EML5: variants seen among roughly 807,000 people sequenced by gnomAD.
The protein encoded by EML5 is echinoderm microtubule-associated protein-like 5.
EML5 carries 120 observed loss-of-function variants against 250.0 expected under a neutral mutation model. The ratio of observed to expected loss-of-function variants is 0.48; its 90% CI spans 0.41 to 0.56. EML5 has a LOEUF of 0.56. Ranked by LOEUF, EML5 falls within the 20% of genes least tolerant of loss-of-function variation. The pLI, the probability that EML5 is intolerant of heterozygous loss-of-function variation, is 0.00. For synonymous variants in EML5, 771 were observed against 806.5 expected, an observed-to-expected ratio of 0.96 and a Z score of 0.75; for missense variants, 2,006 against 2,437.6, an observed-to-expected ratio of 0.82 and a Z score of 3.73.
intron 7 of EML5, among the ~76,000 whole-genome samples, chr14:88,736,073 G>A (rs8023218): frequency 0.019 from 2,779 of 148,500 alleles, 97 homozygotes; most frequent in African/African-American, 0.065. Context: ...TGATCTTGGC[G>A]CACTGCAACC....
intron 1 of EML5, among the ~76,000 whole-genome samples, chr14:88,763,526 C>CA (rs1008640063): frequency 3.3e-5 from 5 of 151,336 alleles, no homozygotes; most frequent in African/African-American, 1.2e-4. Flanking sequence ...GCCTACCAAC[C>CA]AAAAAAAAGC....
intron 1 of EML5, among the ~76,000 whole-genome samples, chr14:88,777,960 G>A (rs1028113079): frequency 1.3e-5 from 2 of 152,264 alleles, no homozygotes; most frequent in South Asian, 2.1e-4. Flanking sequence ...GGGCAAAAGA[G>A]TGACATCCTG....
At chr14:88,755,822 G>T (rs2094151252) in intron 1 of EML5, among the ~76,000 whole-genome samples, 2 of 151,782 alleles carry the variant, frequency 1.3e-5, no homozygotes, top group South Asian at 4.2e-4. Flanking sequence ...GCAAACCATT[G>T]TCTCTACAAA....
intron 1 of EML5, among the ~76,000 whole-genome samples, chr14:88,767,462 T>C (rs779191653): frequency 2.6e-4 from 39 of 152,320 alleles, no homozygotes; most frequent in Admixed American, 4.6e-4. Flanking sequence ...GAGTCTAGGA[T>C]GTTAGCCTCT....
intron 8 of EML5, among the ~76,000 whole-genome samples, chr14:88,724,869 T>C (rs985501113): frequency 6.6e-6 from 1 of 152,178 alleles, no homozygotes; most frequent in Non-Finnish European, 1.5e-5. Flanking sequence ...TAGATGATGA[T>C]AGTTACAGAG....
intron 20 of EML5, among the ~76,000 whole-genome samples, chr14:88,682,434 A>T (rs2141175163): frequency 6.6e-6 from 1 of 152,282 alleles, no homozygotes; most frequent in African/African-American, 2.4e-5. Flanking sequence ...AAGCATTTAA[A>T]GTCTCTGAAA....
At chr14:88,695,495 T>C in intron 15 of EML5, 41 bp from the exon 16 acceptor site, 1 of 1,528,782 alleles carries the variant, frequency 6.5e-7, no homozygotes, top group Non-Finnish European at 9.0e-7. Flanking sequence ...ACTATTAACA[T>C]TCAGAAGAGA....
chr14:88,686,022 C>T (rs1168870093), intron 19 of EML5, among the ~76,000 whole-genome samples: 3 of 152,040 alleles, frequency 2.0e-5, no homozygotes, highest in African/African-American at 7.2e-5. Context: ...AACTCATACC[C>T]TTACAGAGCA....
At chr14:88,649,049 A>T (rs761084112) in intron 28 of EML5, among the ~76,000 whole-genome samples, 7 of 147,488 alleles carry the variant, frequency 4.7e-5, no homozygotes, top group Non-Finnish European at 1.0e-4. Context: ...CCCACCCCCG[A>T]AACAGGGTCT....
At chr14:88,742,721 A>T (rs2140268036) in intron 4 of EML5, among the ~76,000 whole-genome samples, 1 of 152,268 alleles carries the variant, frequency 6.6e-6, no homozygotes, top group East Asian at 1.9e-4. Context: ...TGCTTATATC[A>T]TGTGCCTTAA....
chr14:88,752,260 C>T (rs1299439205), intron 2 of EML5, among the ~76,000 whole-genome samples: 1 of 151,918 alleles, frequency 6.6e-6, no homozygotes, highest in Non-Finnish European at 1.5e-5. Context: ...AAATTTAAAG[C>T]TAAGAAGAAA....
intron 40 of EML5, 117 bp from the exon 41 acceptor site, chr14:88,618,448 T>C: frequency 9.0e-7 from 1 of 1,106,860 alleles, no homozygotes; most frequent in Non-Finnish European, 1.3e-6. Flanking sequence ...CATTATTAAG[T>C]ATGCAAAAGA....
At chr14:88,644,845 G>T (rs1377832732) in intron 29 of EML5, 1 of 177,836 alleles carries the variant, frequency 5.6e-6, no homozygotes. Flanking sequence ...CGAGTAGCTG[G>T]GATTACAGGT....
chr14:88,616,986 T>A, intron 41 of EML5, 107 bp from the exon 42 acceptor site: 1 of 1,008,904 alleles, frequency 9.9e-7, no homozygotes, highest in Non-Finnish European at 1.4e-6. Context: ...TCATGTTACT[T>A]AAAATACAGG....
intron 32 of EML5, 67 bp downstream of exon 32, chr14:88,638,742 G>A (rs1831629414): frequency 1.5e-6 from 2 of 1,336,432 alleles, no homozygotes; most frequent in Non-Finnish European, 2.1e-6. Context: ...TTTTTTCCTT[G>A]GATATTGAAT....
At chr14:88,773,228 A>G (rs1018016614) in intron 1 of EML5, among the ~76,000 whole-genome samples, 5 of 152,238 alleles carry the variant, frequency 3.3e-5, no homozygotes, top group African/African-American at 7.2e-5. Context: ...CAGGATGCAC[A>G]TAATTATGAC....
intron 17 of EML5, among the ~76,000 whole-genome samples, chr14:88,693,023 A>AT (rs1320369187): frequency 6.6e-6 from 1 of 152,156 alleles, no homozygotes; most frequent in Non-Finnish European, 1.5e-5. Context: ...GAAAACAGAC[A>AT]TTTTTTATTT....
At chr14:88,641,786 T>A (rs945884846) in intron 31 of EML5, among the ~76,000 whole-genome samples, 2 of 152,154 alleles carry the variant, frequency 1.3e-5, no homozygotes, top group African/African-American at 4.8e-5. Flanking sequence ...CTAGTCTCCA[T>A]CTGCCCTCTC....
intron 3 of EML5, among the ~76,000 whole-genome samples, chr14:88,744,843 A>AGG (rs2093981087): frequency 6.6e-6 from 1 of 152,070 alleles, no homozygotes; most frequent in South Asian, 2.1e-4. Context: ...GTATACTAAA[A>AGG]TGTACACTTC....
Sources: gnomAD v4.1 joint callset for allele counts (sites outside exome capture counted in the v4.1 genomes callset) on GRCh38, gnomAD v4.1.1 for gene constraint, MANE v1.5 for transcripts, NCBI Gene and HGNC (gene_info 2026-07-23, HGNC 2026-07-21) for gene names.